CREBBP: variants seen among roughly 807,000 people sequenced by gnomAD.
CREBBP encodes the protein CREB binding lysine acetyltransferase, also known as CREB-binding protein.
In CREBBP, 19 loss-of-function variants were observed where a neutral mutation model predicts 265.0. The observed-to-expected ratio is 0.07, with a 90% CI of 0.05 to 0.11. The LOEUF (loss-of-function observed/expected upper bound fraction) is 0.11, where lower values mean the gene tolerates loss of function less well. CREBBP is among the 10% of genes least tolerant of loss of function. The pLI, the probability that CREBBP is intolerant of heterozygous loss-of-function variation, is 1.00. For missense variants in CREBBP, 2,525 were observed against 3,219.0 expected (o/e 0.78, Z 5.22); for synonymous variants, 1,457 against 1,223.7 (o/e 1.19, Z -3.98).
intron 26 of CREBBP, 58 bp downstream of exon 26, chr16:3,738,501 A>G: frequency 9.9e-7 from 1 of 1,012,962 alleles, no homozygotes; most frequent in South Asian, 1.3e-5. Flanking sequence ...CACGGAATAA[A>G]CATACAGTAA....
chr16:3,829,836 TAAAC>T (rs1434775168), intron 2 of CREBBP, among the ~76,000 whole-genome samples: 2 of 152,032 alleles, frequency 1.3e-5, no homozygotes, highest in Non-Finnish European at 2.9e-5. Flanking sequence ...ATTCTATATT[TAAAC>T]AAACAAGACT....
intron 2 of CREBBP, among the ~76,000 whole-genome samples, chr16:3,849,444 TG>T (rs2054766052): frequency 1.6e-4 from 4 of 24,836 alleles, no homozygotes; most frequent in East Asian, 2.5e-3. Flanking sequence ...TGTGTGTGTG[TG>T]TGTGTGTGTG....
chr16:3,823,890 C>T (rs754434432), intron 2 of CREBBP, among the ~76,000 whole-genome samples: 19 of 152,114 alleles, frequency 1.2e-4, no homozygotes, highest in Admixed American at 4.6e-4. Flanking sequence ...CGTTGCCACC[C>T]GCCCCTAGCT....
At chr16:3,796,650 G>A (rs2053614419) in intron 3 of CREBBP, among the ~76,000 whole-genome samples, 2 of 152,256 alleles carry the variant, frequency 1.3e-5, no homozygotes, top group Middle Eastern at 3.4e-3. Context: ...GCCTCCCAAA[G>A]TGCTGAGATT....
chr16:3,838,733 G>C (rs1438209356), intron 2 of CREBBP, among the ~76,000 whole-genome samples: 1 of 152,096 alleles, frequency 6.6e-6, no homozygotes, highest in East Asian at 1.9e-4. Flanking sequence ...TTTAAAAGTT[G>C]ATATAGGATT....
At position 3,821,828 on chromosome 16, in the gene CREBBP, GA is replaced by G. The variant is rs1334357096; in HGVS notation, c.799-11050del. 3.3e-5 allele frequency among the ~76,000 whole-genome samples: 5 copies of G among 152,296 alleles called. No individual in the cohort carries two copies. The East Asian group carries it at 7.7e-4, about 24-fold the overall frequency. On this transcript the variant is annotated intron_variant, in intron 2 of 30. Coordinates refer to ENST00000262367, the MANE Select transcript of CREBBP (RefSeq NM_004380.3). ...GTGGATCACCTGAGGTCAGGAGTTG[GA>G]GACCCGCCTGGCCAATATGGTGAAA...
At chr16:3,868,068 G>C (rs926728373) in intron 1 of CREBBP, among the ~76,000 whole-genome samples, 3 of 152,162 alleles carry the variant, frequency 2.0e-5, no homozygotes, top group African/African-American at 7.2e-5. Flanking sequence ...GGCAAAAAGA[G>C]TAAGAAGAGA....
At chr16:3,831,428 C>T (rs2054340488) in intron 2 of CREBBP, among the ~76,000 whole-genome samples, 1 of 151,972 alleles carries the variant, frequency 6.6e-6, no homozygotes, top group Admixed American at 6.6e-5. Flanking sequence ...AAAAAAGATG[C>T]ATAGGGTTTA....
rs371656213 is a variant in CREBBP, at chr16:3,728,909, C to A, written c.6138G>T (p.Ala2046=). 41 of 1,607,540 alleles carry A rather than the reference C, an allele frequency of 2.6e-5. No homozygotes were observed. Among genetic ancestry groups the A allele is most frequent in the Non-Finnish European group, 3.3e-5 (39 of 1,179,408 alleles). ...TGGGCATCCGGGGCCCAGCCACGGC[C>A]GCCTGGGCCTGCATGGATATCACAG... ...PRPVISMQAQ[A]AVAGPRMPSV... The change falls in exon 31 of 31, where the codon GCG becomes GCT. Residue 2046 remains alanine (A), a synonymous_variant. Transcript: ENST00000262367. This position sits in a 1 kb window ranked among gnomAD's most constrained non-coding sequence, Gnocchi z 8.7.
intron 14 of CREBBP, 144 bp from the exon 15 acceptor site, chr16:3,769,497 G>C: frequency 9.9e-7 from 1 of 1,006,094 alleles, no homozygotes; most frequent in South Asian, 1.4e-5. Context: ...CCGAAGAACA[G>C]GGGTTAAAGT....
At chr16:3,820,285 C>T (rs752337979) in intron 2 of CREBBP, among the ~76,000 whole-genome samples, 58 of 152,234 alleles carry the variant, frequency 3.8e-4, no homozygotes, top group Non-Finnish European at 6.3e-4. Context: ...CTCTTGGAAT[C>T]CTTCCAGTAT....
At chr16:3,853,251 C>T (rs982187181) in intron 1 of CREBBP, among the ~76,000 whole-genome samples, 5 of 152,146 alleles carry the variant, frequency 3.3e-5, no homozygotes, top group African/African-American at 9.7e-5. Flanking sequence ...GTGGTAAATG[C>T]TAAGTACTGT....
At chr16:3,852,083 T>C (rs1380453320) in intron 1 of CREBBP, among the ~76,000 whole-genome samples, 3 of 124,810 alleles carry the variant, frequency 2.4e-5, no homozygotes, top group African/African-American at 9.4e-5. Flanking sequence ...AAAGAATGTA[T>C]GTGTGTAACA....
intron 12 of CREBBP, 86 bp from the exon 13 acceptor site, chr16:3,774,016 C>T (rs2053078537): frequency 6.9e-7 from 1 of 1,445,818 alleles, no homozygotes; most frequent in Non-Finnish European, 9.7e-7. Flanking sequence ...TCCAAGGCTT[C>T]ACAACCCCAG....
In CREBBP at chr16:3,726,624, C is replaced by G; in HGVS notation, c.*1094G>C. 1 of 233,680 alleles carries G rather than the reference C, an allele frequency of 4.3e-6. No individual in the cohort carries two copies. The allele number at this position is 233,680 out of a possible 1,614,324, so 14.5% of individuals were successfully genotyped here. On this transcript the variant is annotated 3_prime_UTR_variant, in exon 31 of 31. Coordinates refer to ENST00000262367, the MANE Select transcript of CREBBP (RefSeq NM_004380.3). The stretch of plus-strand genomic sequence containing the variant: ...TAAATAAAAACCTTAAACATTCTTA[C>G]AGGGATCTTAAAGAACAGAATACAT...
At position 3,826,258 on chromosome 16, in the gene CREBBP, T is replaced by C. The variant is rs566344375; in HGVS notation, c.799-15479A>G. On this transcript the variant is annotated intron_variant, in intron 2 of 30. Transcript: ENST00000262367. ...AATACATATCATGTAAAAGACACTT[T>C]CATTTATCCTGTTAAAATTGATTTC... Among the ~76,000 whole-genome samples, 81 of 152,210 alleles carry C rather than the reference T, an allele frequency of 5.3e-4. 1 individual carries two copies. The highest frequency in any genetic ancestry group is 1.8e-3 in the African/African-American group (73 of 41,530).
At chr16:3,809,335 G>A (rs962442616) in intron 3 of CREBBP, among the ~76,000 whole-genome samples, 1 of 152,126 alleles carries the variant, frequency 6.6e-6, no homozygotes, top group African/African-American at 2.4e-5. Context: ...CCGCCACCAT[G>A]CCCGGCTAAT....
In CREBBP at chr16:3,731,601, G is replaced by A; in HGVS notation, c.4891-128C>T. On this transcript the variant is annotated intron_variant, in intron 29 of 30. Coordinates refer to ENST00000262367, the MANE Select transcript of CREBBP (RefSeq NM_004380.3). This position sits in a 1 kb window ranked among gnomAD's most constrained non-coding sequence, Gnocchi z 7.7. ...CTGAGCCTGATGGCCCTGATGCCTT[G>A]GGATGGAACAAAATTGGTGACACGT... The A allele has an allele frequency of 2.1e-6, 3 of 1,417,090 alleles. No individual in the cohort carries two copies. The highest frequency in any genetic ancestry group is 2.9e-6 in the Non-Finnish European group (3 of 1,021,688). The allele number at this position is 1,417,090 out of a possible 1,614,324, so 87.8% of individuals were successfully genotyped here.
chr16:3,788,710 G>C (rs1011469376), intron 5 of CREBBP, among the ~76,000 whole-genome samples: 1 of 152,204 alleles, frequency 6.6e-6, no homozygotes, highest in Non-Finnish European at 1.5e-5. Context: ...CAGGACTTTT[G>C]GGAGGTCAAG....
Sources: allele counts gnomAD v4.1 joint callset (sites outside exome capture counted in the v4.1 genomes callset), GRCh38; gene constraint gnomAD v4.1.1; non-coding constraint Gnocchi (gnomAD v3.1); transcripts MANE v1.5; gene names NCBI Gene and HGNC (gene_info 2026-07-23, HGNC 2026-07-21).